The following PRKG1 variants were observed in gnomAD, a reference collection of about 807,000 sequenced individuals.
PRKG1 encodes protein kinase cGMP-dependent 1, also known as cGMP-dependent protein kinase 1.
Under a neutral mutation model 88.1 loss-of-function variants are expected in PRKG1, and 35 were observed. The ratio of observed to expected loss-of-function variants is 0.40; its 90% CI spans 0.30 to 0.53. The LOEUF is 0.53. PRKG1 is among the 20% of genes least tolerant of loss of function. The pLI is 0.59. For synonymous variants in PRKG1, 303 were observed against 292.5 expected, an observed-to-expected ratio of 1.04 and a Z score of -0.37; for missense variants, 540 against 839.8, an observed-to-expected ratio of 0.64 and a Z score of 4.41.
Position 51,655,714 on chromosome 10 carries a change from A to G in PRKG1, c.593-148871A>G, listed in dbSNP as rs563665847. ...GGAAAACTGGATTAAATAACAGAAT[A>G]CTTTCAACTACTTAGTGATAAATAC... On this transcript the variant is annotated intron_variant, in intron 3 of 17. Coordinates refer to ENST00000373980, the MANE Select transcript of PRKG1 (RefSeq NM_006258.4). 9.2e-5 allele frequency among the ~76,000 whole-genome samples: 14 copies of G among 152,304 alleles called. No individual in the cohort carries two copies. The South Asian group carries it at 2.5e-3, about 27-fold the overall frequency.
chr10:51,529,805 C>A (rs1373932489), intron 3 of PRKG1, among the ~76,000 whole-genome samples: 3 of 152,094 alleles, frequency 2.0e-5, no homozygotes, highest in African/African-American at 7.2e-5. Context: ...TTAAACAGAC[C>A]TCATATGTAA....
At chr10:51,835,850 G>A (rs1683386965) in intron 4 of PRKG1, among the ~76,000 whole-genome samples, 1 of 152,050 alleles carries the variant, frequency 6.6e-6, no homozygotes, top group Admixed American at 6.6e-5. Context: ...TCACATTCCT[G>A]CCAACAGTAT....
chr10:51,333,100 T>A (rs1841783698), intron 2 of PRKG1, among the ~76,000 whole-genome samples: 1 of 152,202 alleles, frequency 6.6e-6, no homozygotes. Flanking sequence ...ATATGACATT[T>A]TTAACTACTT....
chr10:51,275,591 A>G (rs1490539836), intron 2 of PRKG1, among the ~76,000 whole-genome samples: 1 of 152,234 alleles, frequency 6.6e-6, no homozygotes, highest in Non-Finnish European at 1.5e-5. Context: ...ATTCAGTTTA[A>G]GAATATAATT....
intron 2 of PRKG1, among the ~76,000 whole-genome samples, chr10:51,275,964 C>CTT (rs200640333): frequency 7.0e-6 from 1 of 142,002 alleles, no homozygotes; most frequent in African/African-American, 2.6e-5. Context: ...ATGAAATTTT[C>CTT]TTTTTTTTTT....
chr10:51,665,953 G>A (rs1840413102), intron 3 of PRKG1, among the ~76,000 whole-genome samples: 1 of 151,934 alleles, frequency 6.6e-6, no homozygotes, highest in African/African-American at 2.4e-5. Context: ...GTTTGTGTGT[G>A]TGAAACAACA....
chr10:51,894,026 G>A (rs1299213598), intron 4 of PRKG1, among the ~76,000 whole-genome samples: 1 of 152,080 alleles, frequency 6.6e-6, no homozygotes, highest in African/African-American at 2.4e-5. Flanking sequence ...AGTTGTCAGG[G>A]GCCAATTTCC....
chr10:52,213,445 AG>A (rs1255637736), intron 9 of PRKG1, among the ~76,000 whole-genome samples: 2 of 152,222 alleles, frequency 1.3e-5, no homozygotes, highest in Non-Finnish European at 2.9e-5. Flanking sequence ...GTGAAGCTCA[AG>A]GAAAAAGTCT....
chr10:51,115,992 C>T (rs917057527), intron 1 of PRKG1, among the ~76,000 whole-genome samples: 3 of 152,080 alleles, frequency 2.0e-5, no homozygotes, highest in African/African-American at 7.2e-5. Flanking sequence ...CATGTATAGG[C>T]TGGGCGAAGG....
rs1278186474 is a variant in PRKG1 at position 52,205,827 on chromosome 10, C to G, written c.1076+43864C>G. Among the ~76,000 whole-genome samples the G allele has an allele frequency of 2.0e-5, 3 of 152,080 alleles. No individual in the cohort carries two copies. In the East Asian group the frequency reaches 5.8e-4, roughly 29 times the overall value. Reference sequence around the variant, plus strand: ...CTTTTGTAGGTGATCTGTTCCTTCTCTCTAGCTGCTTAAAATTTTTTTTTT... The same window carrying G: ...CTTTTGTAGGTGATCTGTTCCTTCTGTCTAGCTGCTTAAAATTTTTTTTTT... On this transcript the variant is annotated intron_variant, in intron 9 of 17. Transcript: ENST00000373980.
At chr10:52,028,194 G>T (rs545924127) in intron 5 of PRKG1, among the ~76,000 whole-genome samples, 4 of 152,166 alleles carry the variant, frequency 2.6e-5, no homozygotes, top group Admixed American at 1.3e-4. Flanking sequence ...GGGCACCCAG[G>T]TCGAACAGAC....
intron 3 of PRKG1, among the ~76,000 whole-genome samples, chr10:51,577,514 G>A (rs10998289): frequency 0.069 from 10,518 of 152,020 alleles, 1,197 homozygotes; most frequent in African/African-American, 0.24. Context: ...GCTGACTGGT[G>A]AAAAGAAATA....
At chr10:51,339,190 C>T (rs1841948233) in intron 2 of PRKG1, among the ~76,000 whole-genome samples, 1 of 152,012 alleles carries the variant, frequency 6.6e-6, no homozygotes, top group Admixed American at 6.6e-5. Flanking sequence ...TTTACTTACC[C>T]TTCTTACTTT....
At chr10:51,752,453 A>G (rs985441580) in intron 3 of PRKG1, among the ~76,000 whole-genome samples, 16 of 152,178 alleles carry the variant, frequency 1.1e-4, no homozygotes, top group Admixed American at 6.5e-4. Context: ...TAAAACTTAC[A>G]TAGAATTTTA....
chr10:51,560,710 T>C (rs1241078623), intron 3 of PRKG1, among the ~76,000 whole-genome samples: 1 of 151,998 alleles, frequency 6.6e-6, no homozygotes, highest in Admixed American at 6.6e-5. Context: ...ATATAATTAA[T>C]TGATTGTTTC....
intron 1 of PRKG1, among the ~76,000 whole-genome samples, chr10:51,039,300 T>C (rs1226709418): frequency 6.6e-6 from 1 of 152,178 alleles, no homozygotes; most frequent in Admixed American, 6.5e-5. Flanking sequence ...GGATATCTCA[T>C]TGTAGTTTTG....
intron 2 of PRKG1, among the ~76,000 whole-genome samples, chr10:51,247,833 A>T (rs58414200): frequency 0.072 from 10,903 of 151,728 alleles, 1,295 homozygotes; most frequent in African/African-American, 0.25. Context: ...TTCTTTTAAA[A>T]ACTAAATTGA....
At chr10:52,126,553 C>G (rs1847935377) in intron 7 of PRKG1, among the ~76,000 whole-genome samples, 1 of 152,130 alleles carries the variant, frequency 6.6e-6, no homozygotes, top group East Asian at 1.9e-4. Context: ...GCTACATTGC[C>G]CAGGCTGGTC....
chr10:52,063,241 C>G (rs1182241246), intron 7 of PRKG1, among the ~76,000 whole-genome samples: 3 of 152,212 alleles, frequency 2.0e-5, no homozygotes, highest in African/African-American at 7.2e-5. Context: ...CTGGCCACTG[C>G]ACAGGCAAAC....
Sources: allele counts gnomAD v4.1 joint callset (sites outside exome capture counted in the v4.1 genomes callset), GRCh38; gene constraint gnomAD v4.1.1; transcripts MANE v1.5; gene names NCBI Gene and HGNC (gene_info 2026-07-23, HGNC 2026-07-21).